Variants in NALCN observed in about 807,000 individuals in gnomAD.
NALCN encodes sodium leak channel, non-selective, also known as sodium leak channel NALCN.
In NALCN, 111 loss-of-function variants were observed where a neutral mutation model predicts 225.3. That is an observed-to-expected ratio of 0.49 (90% CI 0.42 to 0.58). The LOEUF (loss-of-function observed/expected upper bound fraction) is 0.58, where lower values mean the gene tolerates loss of function less well. NALCN is among the 20% of genes least tolerant of loss of function. The pLI is 0.00. For missense variants in NALCN, 1,378 were observed against 2,202.4 expected, an observed-to-expected ratio of 0.63 and a Z score of 7.49; for synonymous variants, 764 against 769.0, an observed-to-expected ratio of 0.99 and a Z score of 0.11.
rs962586132 is a variant in NALCN, at chr13:101,104,052, C to G, written c.2889+243G>C. ...CTTATTAATGTATGTCTCATTCATA[C>G]ATAAAATTGTGATTAGTGTATTTGA... On this transcript the variant is annotated intron_variant, in intron 25 of 43. Transcript: ENST00000251127. The surrounding 1 kb of genome is among the most constrained non-coding windows in gnomAD (Gnocchi z 4.2). Among the ~76,000 whole-genome samples, 37 of 151,790 alleles carry G rather than the reference C, an allele frequency of 2.4e-4. No individual in the cohort carries two copies. The highest frequency in any genetic ancestry group is 8.2e-4 in the African/African-American group (34 of 41,274).
At chr13:101,165,747 A>G (rs2038407570) in intron 15 of NALCN, among the ~76,000 whole-genome samples, 1 of 152,240 alleles carries the variant, frequency 6.6e-6, no homozygotes, top group African/African-American at 2.4e-5. Flanking sequence ...AAGTTTTGGG[A>G]TTACAGGCGT....
At chr13:101,289,883 C>T (rs2043487090) in intron 9 of NALCN, among the ~76,000 whole-genome samples, 1 of 152,160 alleles carries the variant, frequency 6.6e-6, no homozygotes, top group South Asian at 2.1e-4. Context: ...CTTCTCTACA[C>T]ATAAAAGCAT....
At chr13:101,309,905 G>A (rs964150185) in intron 7 of NALCN, among the ~76,000 whole-genome samples, 1 of 152,006 alleles carries the variant, frequency 6.6e-6, no homozygotes, top group Non-Finnish European at 1.5e-5. Flanking sequence ...TAATGAAACC[G>A]AGATCCTCAT....
chr13:101,354,427 G>T (rs1193847567), intron 6 of NALCN, among the ~76,000 whole-genome samples: 1 of 152,158 alleles, frequency 6.6e-6, no homozygotes, highest in Non-Finnish European at 1.5e-5. Flanking sequence ...ACCGTTTGAG[G>T]TTATAAGGCA....
At chr13:101,182,583 G>A (rs946957928) in intron 14 of NALCN, among the ~76,000 whole-genome samples, 28 of 152,180 alleles carry the variant, frequency 1.8e-4, no homozygotes, top group Non-Finnish European at 2.9e-5. Flanking sequence ...ACAGAAACTG[G>A]TTCAAGATGT....
intron 15 of NALCN, among the ~76,000 whole-genome samples, chr13:101,155,191 C>A (rs2037845601): frequency 6.6e-6 from 1 of 152,166 alleles, no homozygotes; most frequent in African/African-American, 2.4e-5. Context: ...CTTGACCCAG[C>A]ATGTTATATA....
chr13:101,324,264 A>G (rs900730068), intron 7 of NALCN, among the ~76,000 whole-genome samples: 1 of 152,204 alleles, frequency 6.6e-6, no homozygotes, highest in African/African-American at 2.4e-5. Flanking sequence ...TGCAACAAGT[A>G]TTTAACACTG....
chr13:101,400,142 C>T (rs1278263558), intron 1 of NALCN, among the ~76,000 whole-genome samples: 1 of 149,602 alleles, frequency 6.7e-6, no homozygotes, highest in Admixed American at 6.6e-5. Context: ...TTTACAACAG[C>T]CCTAACCAAA....
At chr13:101,060,063 A>G in intron 41 of NALCN, 96 bp from the exon 42 acceptor site, 1 of 1,389,548 alleles carries the variant, frequency 7.2e-7, no homozygotes, top group Non-Finnish European at 9.9e-7. Flanking sequence ...CTCTCCTAAG[A>G]CCTGCATGAC....
At chr13:101,397,634 ATATG>A (rs1351884107) in intron 2 of NALCN, among the ~76,000 whole-genome samples, 3 of 151,442 alleles carry the variant, frequency 2.0e-5, no homozygotes, top group South Asian at 2.1e-4. Flanking sequence ...TTATATGTTT[ATATG>A]TATGTGTATA....
At chr13:101,313,618 A>G (rs2044439278) in intron 7 of NALCN, among the ~76,000 whole-genome samples, 1 of 152,164 alleles carries the variant, frequency 6.6e-6, no homozygotes, top group Non-Finnish European at 1.5e-5. Context: ...CAAAACCACA[A>G]TGAGATACCA....
Position 101,392,089 on chromosome 13 carries a change from C to G in NALCN, c.291+3094G>C, listed in dbSNP as rs538520340. ...GAAATAGGAAATACTGCAAAGGAAC[C>G]CCCACAAAAACGCAACAGGACCAGA... On this transcript the variant is annotated intron_variant, in intron 3 of 43. Coordinates refer to ENST00000251127, the MANE Select transcript of NALCN (RefSeq NM_052867.4). Among the ~76,000 whole-genome samples the G allele has an allele frequency of 2.4e-3, 367 of 150,954 alleles. 2 individuals are homozygous for G. The highest frequency in any genetic ancestry group is 8.4e-3 in the African/African-American group (347 of 41,154).
chr13:101,088,611 T>C (rs1170591419), intron 30 of NALCN, among the ~76,000 whole-genome samples: 1 of 152,166 alleles, frequency 6.6e-6, no homozygotes, highest in Non-Finnish European at 1.5e-5. Context: ...ATATGTAAAA[T>C]CTTAGTACAC....
chr13:101,346,084 T>C (rs1016383591), intron 6 of NALCN, among the ~76,000 whole-genome samples: 3 of 109,548 alleles, frequency 2.7e-5, no homozygotes, highest in Non-Finnish European at 5.5e-5. Context: ...TCTCTCTCTC[T>C]CTCTATATAT....
chr13:101,081,193 C>A (rs1182294216), intron 34 of NALCN, among the ~76,000 whole-genome samples: 1 of 152,220 alleles, frequency 6.6e-6, no homozygotes, highest in Non-Finnish European at 1.5e-5. Flanking sequence ...GGACAGTTCT[C>A]AGTCTCTGTT....
At chr13:101,107,416 C>G (rs1044284240) in intron 22 of NALCN, 71 bp downstream of exon 22, 41 of 1,604,250 alleles carry the variant, frequency 2.6e-5, no homozygotes, top group Non-Finnish European at 3.2e-5. Flanking sequence ...GTTCCTTCTT[C>G]TTCATATGAC....
At chr13:101,266,278 A>C (rs2042593860) in intron 10 of NALCN, among the ~76,000 whole-genome samples, 1 of 92,184 alleles carries the variant, frequency 1.1e-5, no homozygotes, top group Non-Finnish European at 3.1e-5. Flanking sequence ...AAGGTGTAAC[A>C]TAAGAAATCA....
chr13:101,241,658 G>C (rs1490951560), intron 11 of NALCN, among the ~76,000 whole-genome samples: 1 of 152,012 alleles, frequency 6.6e-6, no homozygotes, highest in African/African-American at 2.4e-5. Flanking sequence ...GGCCAGGTTG[G>C]TCTCGAACTC....
intron 17 of NALCN, among the ~76,000 whole-genome samples, chr13:101,136,878 G>T (rs1037289804): frequency 1.3e-5 from 2 of 152,142 alleles, no homozygotes; most frequent in African/African-American, 4.8e-5. Flanking sequence ...GGAATAGCAC[G>T]CTGTCTTCCA....
Sources: allele counts gnomAD v4.1 joint callset (sites outside exome capture counted in the v4.1 genomes callset), GRCh38; gene constraint gnomAD v4.1.1; non-coding constraint Gnocchi (gnomAD v3.1); transcripts MANE v1.5; gene names NCBI Gene and HGNC (gene_info 2026-07-23, HGNC 2026-07-21).